Variants in UNC13C observed in about 807,000 individuals in gnomAD.
UNC13C encodes the protein unc-13 homolog C.
A neutral mutation model predicts 245.4 loss-of-function variants in UNC13C; 174 were observed. The observed-to-expected ratio is 0.71, with a 90% CI of 0.63 to 0.80. The LOEUF (loss-of-function observed/expected upper bound fraction) is 0.80. UNC13C is among the 30% of genes least tolerant of loss of function. UNC13C has a pLI of 0.00. For synonymous variants in UNC13C, 992 were observed against 895.1 expected (o/e 1.11, Z -1.93); for missense variants, 2,829 against 2,602.9 (o/e 1.09, Z -1.89).
chr15:53,901,774 G>A, the UNC13C span, among the ~76,000 whole-genome samples: 3 of 152,122 alleles, frequency 2.0e-5, no homozygotes, highest in Non-Finnish European at 4.4e-5. Flanking sequence ...TCAGAAATTT[G>A]AGAGTGTATG....
At chr15:54,109,163 G>A (rs1385823088) in intron 2 of UNC13C, among the ~76,000 whole-genome samples, 2 of 151,928 alleles carry the variant, frequency 1.3e-5, no homozygotes, top group Non-Finnish European at 2.9e-5. Flanking sequence ...TCCAACTAGT[G>A]CTTTACAAAG....
At chr15:53,851,540 C>G in the UNC13C span, among the ~76,000 whole-genome samples, 1 of 152,174 alleles carries the variant, frequency 6.6e-6, no homozygotes, top group Non-Finnish European at 1.5e-5. Context: ...CTTTCTCTCT[C>G]TGTGTCTCAT....
rs8040970 is a variant in UNC13C, at chr15:54,555,670, T to G, written c.5958+158T>G. The stretch of plus-strand genomic sequence containing the variant: ...TAGGTTGGTGCAATAGTAATTGTGG[T>G]TTTTGCCATTAATACTATTGCACCA... On this transcript the variant is annotated intron_variant, in intron 29 of 32. Coordinates refer to ENST00000260323, the MANE Select transcript of UNC13C (RefSeq NM_001080534.3). Among the ~76,000 whole-genome samples, 184 of 152,092 alleles carry G rather than the reference T, an allele frequency of 1.2e-3. 1 individual carries two copies. Among genetic ancestry groups the G allele is most frequent in the African/African-American group, 4.2e-3 (174 of 41,508 alleles).
In UNC13C at chr15:54,419,038, A is replaced by T. The variant is rs564785625; in HGVS notation, c.4933+3971A>T. ...TAGATAGAGAAGGCAAGCTCTGTAT[A>T]ATTAATCTAGAATCATGCTGACTAA... On this transcript the variant is annotated intron_variant, in intron 19 of 32. Coordinates refer to ENST00000260323, the MANE Select transcript of UNC13C (RefSeq NM_001080534.3). Among the ~76,000 whole-genome samples, 5 of 152,280 alleles carry T rather than the reference A, an allele frequency of 3.3e-5. No individual in the cohort carries two copies. The South Asian group carries it at 1.0e-3, about 32-fold the overall frequency.
At chr15:54,035,221 T>C (rs946249652) in intron 2 of UNC13C, among the ~76,000 whole-genome samples, 1 of 152,196 alleles carries the variant, frequency 6.6e-6, no homozygotes, top group Non-Finnish European at 1.5e-5. Flanking sequence ...TAGTCCACTT[T>C]CATTATAAAA....
In UNC13C at chr15:54,579,490, G is replaced by A. The variant is rs575657538; in HGVS notation, c.6106+11543G>A. Among the ~76,000 whole-genome samples, 9 of 152,142 alleles carry A rather than the reference G, an allele frequency of 5.9e-5. No homozygotes were observed. The East Asian group carries it at 1.5e-3, about 26-fold the overall frequency. On this transcript the variant is annotated intron_variant, in intron 30 of 32. Transcript: ENST00000260323. ...AAACTTTCTCTTGGCCGGGCATGGT[G>A]GCTCATGCCTGTAATCCCAGCACTG...
In UNC13C at chr15:54,525,541, C is replaced by G. The variant is rs907273548; in HGVS notation, c.5458-8C>G. 1.2e-6 allele frequency: 2 copies of G among 1,608,908 alleles called. No individual in the cohort carries two copies. Among genetic ancestry groups the G allele is most frequent in the Admixed American group, 1.7e-5 (1 of 59,588 alleles). ...TCCAAAGTAATATTGTTTATGGTCT[C>G]TCTGCAGCTAGATTCTGAAGCTAGT... On this transcript the variant is annotated splice_region_variant and splice_polypyrimidine_tract_variant and intron_variant, in intron 24 of 32. Coordinates refer to ENST00000260323, the MANE Select transcript of UNC13C (RefSeq NM_001080534.3).
At chr15:54,616,018 T>G (rs897015203) in intron 30 of UNC13C, among the ~76,000 whole-genome samples, 2 of 152,066 alleles carry the variant, frequency 1.3e-5, no homozygotes, top group Admixed American at 6.6e-5. Flanking sequence ...CATCTAAATA[T>G]GTTTCAATCC....
chr15:54,335,578 A>T (rs2038552048), intron 16 of UNC13C, among the ~76,000 whole-genome samples: 2 of 152,128 alleles, frequency 1.3e-5, no homozygotes, highest in African/African-American at 4.8e-5. Flanking sequence ...ACATGCTGGT[A>T]ACCACCGATT....
intron 10 of UNC13C, among the ~76,000 whole-genome samples, chr15:54,283,122 C>G (rs2037043007): frequency 6.6e-6 from 1 of 152,130 alleles, no homozygotes; most frequent in Admixed American, 6.5e-5. Context: ...TGAATCCAGT[C>G]CAAGGATTTA....
At chr15:54,116,793 T>C (rs773767842) in intron 2 of UNC13C, among the ~76,000 whole-genome samples, 10 of 152,142 alleles carry the variant, frequency 6.6e-5, no homozygotes, top group Non-Finnish European at 1.2e-4. Context: ...AGTTTATATC[T>C]AGTAATGGAA....
At chr15:54,557,513 A>G (rs1308106832) in intron 29 of UNC13C, among the ~76,000 whole-genome samples, 1 of 151,916 alleles carries the variant, frequency 6.6e-6, no homozygotes, top group Non-Finnish European at 1.5e-5. Context: ...AAGGAATTCA[A>G]GAGAAGGAAG....
At chr15:53,899,806 G>A in the UNC13C span, among the ~76,000 whole-genome samples, 4 of 152,072 alleles carry the variant, frequency 2.6e-5, no homozygotes, top group African/African-American at 9.7e-5. Context: ...CAGGTGATCT[G>A]CCTGCCTCGG....
chr15:54,193,269 A>G lies in UNC13C; in HGVS notation c.3072-41761A>G, dbSNP rs79692598. Among the ~76,000 whole-genome samples the G allele has an allele frequency of 6.1e-3, 936 of 152,240 alleles. 56 individuals are homozygous for G. In the East Asian group the frequency reaches 0.11, roughly 17 times the overall value. On this transcript the variant is annotated intron_variant, in intron 4 of 32. Transcript: ENST00000260323. Reference sequence around the variant, plus strand: ...CTTATGAATCATAAATTCACCCTCAATTACTACTGGTCACTTATGACCATG... The same window carrying G: ...CTTATGAATCATAAATTCACCCTCAGTTACTACTGGTCACTTATGACCATG...
chr15:53,946,673 G>GT, the UNC13C span, among the ~76,000 whole-genome samples: 10,609 of 99,122 alleles, frequency 0.11, 637 homozygotes, highest in East Asian at 0.28. Context: ...GTGAGCTGAG[G>GT]TTTTTTTTTT....
chr15:53,976,475 C>CTTTTTT (rs879775519), upstream of UNC13C, among the ~76,000 whole-genome samples: 120 of 63,704 alleles, frequency 1.9e-3, 3 homozygotes, highest in African/African-American at 5.2e-3. Flanking sequence ...CTCTCTCTCT[C>CTTTTTT]TCTTTTTTTT....
intron 30 of UNC13C, among the ~76,000 whole-genome samples, chr15:54,573,751 C>T (rs1303149672): frequency 6.6e-6 from 1 of 152,176 alleles, no homozygotes; most frequent in Non-Finnish European, 1.5e-5. Flanking sequence ...GGTCATGTTA[C>T]TGGCATCTAG....
chr15:54,189,779 T>A, intron 4 of UNC13C, among the ~76,000 whole-genome samples: 1 of 152,036 alleles, frequency 6.6e-6, no homozygotes, highest in East Asian at 1.9e-4. Flanking sequence ...CAAGTTTCCA[T>A]AAAGGAGAGA....
chr15:54,606,479 TTTAG>T (rs1238308400), intron 30 of UNC13C, among the ~76,000 whole-genome samples: 1 of 152,200 alleles, frequency 6.6e-6, no homozygotes, highest in Non-Finnish European at 1.5e-5. Flanking sequence ...TACTTTGTCA[TTTAG>T]TTAGCCTTAA....
Sources: allele counts gnomAD v4.1 joint callset (sites outside exome capture counted in the v4.1 genomes callset), GRCh38; gene constraint gnomAD v4.1.1; transcripts MANE v1.5; gene names NCBI Gene and HGNC (gene_info 2026-07-23, HGNC 2026-07-21).